Variants in CIITA observed in about 807,000 individuals in gnomAD.
CIITA encodes MHC class II transactivator.
In CIITA, 72 loss-of-function variants were observed where a neutral mutation model predicts 115.1. The ratio of observed to expected loss-of-function variants is 0.63; its 90% confidence interval spans 0.52 to 0.76. The LOEUF is 0.76. CIITA is among the 30% of genes least tolerant of loss of function. The pLI, the probability that CIITA is intolerant of heterozygous loss-of-function variation, is 0.00. For synonymous variants in CIITA, 763 were observed against 635.6 expected (o/e 1.20, Z -3.02); for missense variants, 1,617 against 1,463.8 (o/e 1.10, Z -1.71).
At chr16:10,937,657 C>T (rs957371474), downstream of CIITA, 1 of 152,224 alleles carries the variant, frequency 6.6e-6, no homozygotes, top group African/African-American at 2.4e-5. This position sits in a 1 kb window ranked among gnomAD's most constrained non-coding sequence, Gnocchi z 4.2. Context: ...CTTTCACTTT[C>T]ATTAGGAACC....
chr16:10,908,644 A>G (rs1010038674), intron 11 of CIITA: 4 of 454,142 alleles, frequency 8.8e-6, no homozygotes, highest in African/African-American at 2.0e-5. Flanking sequence ...CACTGTCAGG[A>G]TGAAGGCTAA....
chr16:10,888,057 C>G (rs1036691374), intron 1 of CIITA, among the ~76,000 whole-genome samples: 1 of 152,178 alleles, frequency 6.6e-6, no homozygotes, highest in Non-Finnish European at 1.5e-5. Context: ...GCCCCAGACA[C>G]AGAGAAATCT....
At chr16:10,897,125 G>C (rs2038211688) in intron 3 of CIITA, among the ~76,000 whole-genome samples, 2 of 152,186 alleles carry the variant, frequency 1.3e-5, no homozygotes, top group South Asian at 4.1e-4. Context: ...ATTTTTTGTT[G>C]CTTAAAACAA....
chr16:10,875,076 C>T (rs900956137), upstream of CIITA, among the ~76,000 whole-genome samples: 5 of 152,036 alleles, frequency 3.3e-5, no homozygotes, highest in African/African-American at 4.8e-5. Flanking sequence ...TCATGTGATT[C>T]TCATCCCTCA....
chr16:10,903,866 C>G lies in CIITA; in HGVS notation c.908C>G (p.Pro303Arg). 6.2e-7 allele frequency: 1 copy of G among 1,614,224 alleles called. No individual in the cohort carries two copies. Among genetic ancestry groups the G allele is most frequent in the Non-Finnish European group, 8.5e-7 (1 of 1,180,020 alleles). The change falls in exon 9 of 20, where the codon CCT becomes CGT. Residue 303 changes from proline (P) to arginine (R), a missense_variant. By Grantham distance (103) the Pro-to-Arg change is moderately radical. Coordinates refer to ENST00000324288, the MANE Select transcript of CIITA (RefSeq NM_000246.4). ...SATDLPSMPE[P>R]ALTSRANMTE... ...ACTGACCTGCCCAGCATGCCTGAAC[C>G]TGCCCTGACCTCCCGAGCAAACATG...
At position 10,901,416 on chromosome 16, in the gene CIITA, C is replaced by G. The variant is rs1477473387; in HGVS notation, c.437-98C>G. On this transcript the variant is annotated intron_variant, in intron 5 of 19. Coordinates refer to ENST00000324288, the MANE Select transcript of CIITA (RefSeq NM_000246.4). The surrounding 1 kb of genome is among the most constrained non-coding windows in gnomAD (Gnocchi z 6.8). ...ATGGACCCCCAAGACCACTACCCAG[C>G]CTTGAAGTTAAGGCCGTATAGCCTG... 11 of 1,312,640 alleles carry G rather than the reference C, an allele frequency of 8.4e-6. No individual in the cohort carries two copies. The highest frequency in any genetic ancestry group is 1.2e-5 in the South Asian group (1 of 82,878). The allele number at this position is 1,312,640 out of a possible 1,614,324, so 81.3% of individuals were successfully genotyped here.
chr16:10,898,794 G>T, intron 4 of CIITA, 62 bp downstream of exon 4: 1 of 1,607,252 alleles, frequency 6.2e-7, no homozygotes, highest in South Asian at 1.1e-5. Context: ...TGTTCCCTGG[G>T]GGGTGCCCTA....
chr16:10,941,757 A>G lies in CIITA; in HGVS notation n.883A>G. 1.9e-6 allele frequency: 3 copies of G among 1,612,736 alleles called. No homozygotes were observed. Among genetic ancestry groups the G allele is most frequent in the Non-Finnish European group, 2.5e-6 (3 of 1,179,336 alleles). ...CATCAAAGACGTCGAGCTCCGAGTC[A>G]GCATCGTAAAGGCCCGAGCCGGGGT... On this transcript the variant is annotated non_coding_transcript_exon_variant, in exon 2 of 2. Coordinates refer to the CIITA transcript ENST00000573379. The surrounding 1 kb of genome is among the most constrained non-coding windows in gnomAD (Gnocchi z 6.4).
At position 10,941,533 on chromosome 16, in the gene CIITA, C is replaced by T. The variant is rs2041102167; in HGVS notation, n.659C>T. 2 of 1,407,066 alleles carry T rather than the reference C, an allele frequency of 1.4e-6. No homozygotes were observed. Among genetic ancestry groups the T allele is most frequent in the African/African-American group, 1.5e-5 (1 of 68,394 alleles). 87.2% of individuals were successfully genotyped at this position (1,407,066 alleles called of 1,614,324 possible). A position where few individuals can be genotyped will look rare whatever the true frequency, so the allele number is the denominator to read the frequency against. On this transcript the variant is annotated non_coding_transcript_exon_variant, in exon 2 of 2. Coordinates refer to the CIITA transcript ENST00000573379. This position sits in a 1 kb window ranked among gnomAD's most constrained non-coding sequence, Gnocchi z 6.4. ...TCCTCCCTCTCCCTTGCTAGCGCCC[C>T]AACCCGCCCTCATCCTGTTCAGAGA...
chr16:10,914,735 G>C (rs912344053), intron 13 of CIITA, among the ~76,000 whole-genome samples: 1 of 152,212 alleles, frequency 6.6e-6, no homozygotes, highest in Non-Finnish European at 1.5e-5. Context: ...GTAAAATGGA[G>C]ATAAGAGCCC....
Position 10,930,867 on chromosome 16 carries a change from C to T in CIITA, c.*7012C>T, listed in dbSNP as rs992945791. ...AAGTGCAGGCAGAGCTAATGTCTCT[C>T]CATAGCTGCCCTCCACCAGCCTGCT... On this transcript the variant is annotated 3_prime_UTR_variant, in exon 20 of 20. Transcript: ENST00000324288. 6.6e-6 allele frequency: 1 copy of T among 152,308 alleles called. No individual in the cohort carries two copies. Among genetic ancestry groups the T allele is most frequent in the African/African-American group, 2.4e-5 (1 of 41,472 alleles). The allele number at this position is 152,308 out of a possible 1,614,324, so 9.4% of individuals were successfully genotyped here.
At position 10,935,575 on chromosome 16, in the gene CIITA, A is replaced by G. The variant is rs1473510551; in HGVS notation, c.*11720A>G. ...TGAAGCACTAAAACTAGTGCATTTCATCTTAAACTGCAAATTATAAAGGGA... is the reference window on the plus strand; with the variant it reads ...TGAAGCACTAAAACTAGTGCATTTCGTCTTAAACTGCAAATTATAAAGGGA... On this transcript the variant is annotated 3_prime_UTR_variant, in exon 20 of 20. Transcript: ENST00000324288. 1 of 152,246 alleles carries G rather than the reference A, an allele frequency of 6.6e-6. No homozygotes were observed. Among genetic ancestry groups the G allele is most frequent in the South Asian group, 2.1e-4 (1 of 4,834 alleles). 9.4% of individuals were successfully genotyped at this position (152,246 alleles called of 1,614,324 possible).
At position 10,941,439 on chromosome 16, in the gene CIITA, T is replaced by C. The variant is rs558406863; in HGVS notation, n.565T>C. 8 of 923,824 alleles carry C rather than the reference T, an allele frequency of 8.7e-6. No homozygotes were observed. The South Asian group carries it at 1.1e-4, about 13-fold the overall frequency. The allele number at this position is 923,824 out of a possible 1,614,324, so 57.2% of individuals were successfully genotyped here. ...AAGAGGAGTCTGGCCATTCCTGGCA[T>C]CCAGTTAGACCTGGAGGAGGTGAAC... is the stretch of plus-strand genomic sequence containing the variant. On this transcript the variant is annotated non_coding_transcript_exon_variant, in exon 2 of 2. Transcript: ENST00000573379. This position sits in a 1 kb window ranked among gnomAD's most constrained non-coding sequence, Gnocchi z 6.4.
In CIITA at chr16:10,887,001, G is replaced by A. The variant is rs147171436; in HGVS notation, c.53-8281G>A. Among the ~76,000 whole-genome samples the A allele has an allele frequency of 7.9e-4, 121 of 152,314 alleles. 1 individual carries two copies. The highest frequency in any genetic ancestry group is 2.6e-3 in the African/African-American group (110 of 41,568). On this transcript the variant is annotated intron_variant, in intron 1 of 19. Coordinates refer to ENST00000324288, the MANE Select transcript of CIITA (RefSeq NM_000246.4). Reference sequence around the variant, plus strand: ...GAACTGAGCTCAGTGACTTTCTTACGGGGTGCTCAGTGAATCATTGTTTTA... The same window carrying A: ...GAACTGAGCTCAGTGACTTTCTTACAGGGTGCTCAGTGAATCATTGTTTTA...
chr16:10,872,070 A>G (rs771967533), intron 1 of CIITA, among the ~76,000 whole-genome samples: 5 of 151,568 alleles, frequency 3.3e-5, no homozygotes, highest in Admixed American at 6.6e-5. Context: ...CTACCTTCCT[A>G]TATCTACTTC....
At chr16:10,885,537 A>G (rs1341544032) in intron 1 of CIITA, among the ~76,000 whole-genome samples, 1 of 152,180 alleles carries the variant, frequency 6.6e-6, no homozygotes, top group Non-Finnish European at 1.5e-5. Context: ...GAGTGAGACC[A>G]GTAGTTTCTC....
rs2038693845 is a variant in CIITA at position 10,901,044 on chromosome 16, G to A, written c.437-470G>A. On this transcript the variant is annotated intron_variant, in intron 5 of 19. Transcript: ENST00000324288. This position sits in a 1 kb window ranked among gnomAD's most constrained non-coding sequence, Gnocchi z 6.8. ...GGTAGATGAACCATAATTTGTTTAA[G>A]CAGTCCCTTGCTAAGGGACACGTGG... 6.6e-6 allele frequency among the ~76,000 whole-genome samples: 1 copy of A among 152,098 alleles called. No homozygotes were observed. The highest frequency in any genetic ancestry group is 2.4e-5 in the African/African-American group (1 of 41,404).
rs2040767820 is a variant in CIITA at position 10,931,090 on chromosome 16, T to A, written c.*7235T>A. The A allele has an allele frequency of 6.6e-6, 1 of 152,628 alleles. No individual in the cohort carries two copies. Among genetic ancestry groups the A allele is most frequent in the Admixed American group, 6.5e-5 (1 of 15,290 alleles). The allele number at this position is 152,628 out of a possible 1,614,324, so 9.5% of individuals were successfully genotyped here. On this transcript the variant is annotated 3_prime_UTR_variant, in exon 20 of 20. Transcript: ENST00000324288. ...TTGTAATCCCAGCACTTTGGGAGGC[T>A]GGGGTGGGAGGATCACTTGAGGCCA...
rs754219526 is a variant in CIITA, at chr16:10,879,051, C to T, written c.52+1669C>T. On this transcript the variant is annotated intron_variant, in intron 1 of 19. Transcript: ENST00000324288. This position sits in a 1 kb window ranked among gnomAD's most constrained non-coding sequence, Gnocchi z 4.3. Reference sequence around the variant, plus strand: ...GAGCCCGGGGAACAGCGGTAGGTGACCAAAGTCTCCTCTGTAACCCCTAAG... The same window carrying T: ...GAGCCCGGGGAACAGCGGTAGGTGATCAAAGTCTCCTCTGTAACCCCTAAG... 4.8e-6 allele frequency: 1 copy of T among 210,416 alleles called. No individual in the cohort carries two copies. The highest frequency in any genetic ancestry group is 2.3e-5 in the African/African-American group (1 of 43,938). The allele number at this position is 210,416 out of a possible 1,614,324, so 13.0% of individuals were successfully genotyped here. A position where few individuals can be genotyped will look rare whatever the true frequency, so the allele number is the denominator to read the frequency against.
Sources: gnomAD v4.1 joint callset for allele counts (sites outside exome capture counted in the v4.1 genomes callset) on GRCh38, gnomAD v4.1.1 for gene constraint, Gnocchi (gnomAD v3.1) non-coding constraint, MANE v1.5 for transcripts, NCBI Gene and HGNC (gene_info 2026-07-23, HGNC 2026-07-21) for gene names.